The following DOK7 variants were observed in gnomAD, a reference collection of about 807,000 sequenced individuals.
DOK7 encodes protein Dok-7.
In DOK7, 32 loss-of-function variants were observed where a neutral mutation model predicts 30.7. That is an observed-to-expected ratio of 1.04 (90% CI 0.79 to 1.40). The LOEUF is 1.40. DOK7 is among the 40% of genes most tolerant of loss of function. DOK7 has a pLI of 0.00. For missense variants in DOK7, 1,007 were observed against 699.2 expected, an observed-to-expected ratio of 1.44 and a Z score of -4.97; for synonymous variants, 447 against 324.1, an observed-to-expected ratio of 1.38 and a Z score of -4.07.
chr4:3,490,347 T>C (rs1203577024), intron 6 of DOK7, among the ~76,000 whole-genome samples: 3 of 66,850 alleles, frequency 4.5e-5, no homozygotes, highest in South Asian at 6.5e-4. Flanking sequence ...TTCCTTCCTT[T>C]TCCCCACACT....
intron 5 of DOK7, among the ~76,000 whole-genome samples, chr4:3,487,682 G>C (rs531508936): frequency 1.3e-5 from 2 of 152,322 alleles, no homozygotes; most frequent in South Asian, 2.1e-4. Flanking sequence ...GGCTCAGGGG[G>C]CGTGTGGTGG....
intron 4 of DOK7, among the ~76,000 whole-genome samples, chr4:3,477,531 C>T (rs903640005): frequency 2.0e-5 from 3 of 152,254 alleles, no homozygotes; most frequent in South Asian, 2.1e-4. Context: ...CCACCTTCTG[C>T]GCTGGGCGCT....
chr4:3,485,460 G>A (rs899452176), intron 4 of DOK7, 79 bp from the exon 5 acceptor site: 52 of 1,402,766 alleles, frequency 3.7e-5, no homozygotes, highest in Non-Finnish European at 1.7e-5. Flanking sequence ...AGTTTGCTGC[G>A]GTTTCCTGTG....
Position 3,463,350 on chromosome 4 carries a change from G to C in DOK7, c.-26G>C. ...CCTGGGCTGGGGCGCCGGGGCGAGC[G>C]CGGCGGCGCGGAACCATGACAGAAG... On this transcript the variant is annotated 5_prime_UTR_variant, in exon 1 of 7. Coordinates refer to ENST00000340083, the MANE Select transcript of DOK7 (RefSeq NM_173660.5). 1 of 1,451,820 alleles carries C rather than the reference G, an allele frequency of 6.9e-7. No individual in the cohort carries two copies. Among genetic ancestry groups the C allele is most frequent in the East Asian group, 2.7e-5 (1 of 36,890 alleles). 89.9% of individuals were successfully genotyped at this position (1,451,820 alleles called of 1,614,324 possible).
intron 6 of DOK7, among the ~76,000 whole-genome samples, chr4:3,491,318 CCCTGCTCATTCATTCCTTCCTTCTTCG>C (rs1406768221): frequency 3.1e-5 from 4 of 128,942 alleles, no homozygotes; most frequent in African/African-American, 1.1e-4. Context: ...TGCCTTCTCC[CCCTGCTCATTCATTCCTTCCTTCTTCG>C]CCTGCTTGTT....
chr4:3,489,924 C>G, intron 6 of DOK7, 128 bp downstream of exon 6: 2 of 1,403,366 alleles, frequency 1.4e-6, no homozygotes, highest in Non-Finnish European at 1.9e-6. Flanking sequence ...CTTCTGTCTC[C>G]TGCTCATTCA....
Position 3,463,458 on chromosome 4 carries a change from G to GT in DOK7, c.54+29_54+30insT, listed in dbSNP as rs1163523891. ...GGGGCGCGTCGGGGGCGCGGGGGGGGGGGGCGCGGGCGCGGGCGGCGGCTC... is the reference window on the plus strand; with the variant it reads ...GGGGCGCGTCGGGGGCGCGGGGGGGGTGGGGCGCGGGCGCGGGCGGCGGCTC... On this transcript the variant is annotated intron_variant, in intron 1 of 6. Coordinates refer to ENST00000340083, the MANE Select transcript of DOK7 (RefSeq NM_173660.5). The GT allele has an allele frequency of 4.2e-6, 6 of 1,424,572 alleles. No individual in the cohort carries two copies. The highest frequency in any genetic ancestry group is 2.9e-5 in the South Asian group (2 of 69,074). 88.2% of individuals were successfully genotyped at this position (1,424,572 alleles called of 1,614,324 possible).
intron 2 of DOK7, among the ~76,000 whole-genome samples, chr4:3,464,093 G>T (rs1185045652): frequency 6.6e-6 from 1 of 152,204 alleles, no homozygotes; most frequent in Admixed American, 6.5e-5. Flanking sequence ...CCCCAGCTTG[G>T]GGAGGGTCAG....
Position 3,492,936 on chromosome 4 carries a change from C to T in DOK7, c.950C>T (p.Pro317Leu). Residue 317 changes from proline to leucine, a missense_variant, in exon 7 of 7, where the codon CCA becomes CTA. By Grantham distance (98) the Pro-to-Leu change is moderately conservative. Coordinates refer to ENST00000340083, the MANE Select transcript of DOK7 (RefSeq NM_173660.5). ...GAAGCCATGGTGGGTGCCTCAAGGCCACCCCCCAAGCCGCTGCGTCCGCGG... is the reference window on the plus strand; with the variant it reads ...GAAGCCATGGTGGGTGCCTCAAGGCTACCCCCCAAGCCGCTGCGTCCGCGG... ...AGEAMVGASR[P>L]PPKPLRPRQL... The T allele has an allele frequency of 1.3e-6, 2 of 1,557,094 alleles. No individual in the cohort carries two copies. The highest frequency in any genetic ancestry group is 1.2e-5 in the South Asian group (1 of 85,622).
intron 6 of DOK7, 93 bp from the exon 7 acceptor site, chr4:3,492,666 A>C (rs1314962333): frequency 6.4e-7 from 1 of 1,553,046 alleles, no homozygotes; most frequent in African/African-American, 1.4e-5. Flanking sequence ...GAGACCAGAG[A>C]GTGCTGGCCT....
chr4:3,475,287 G>A (rs1726996597), intron 3 of DOK7, among the ~76,000 whole-genome samples: 2 of 152,326 alleles, frequency 1.3e-5, no homozygotes, highest in East Asian at 1.9e-4. Flanking sequence ...CACAGAGGCC[G>A]CTGGGCACCG....
rs550357068 is a variant in DOK7 at position 3,481,747 on chromosome 4, G to A, written c.533-3792G>A. On this transcript the variant is annotated intron_variant, in intron 4 of 6. Coordinates refer to ENST00000340083, the MANE Select transcript of DOK7 (RefSeq NM_173660.5). ...AGCACTTAAGATTCTGACATCAAGG[G>A]GCAGCCACGAGGGCACTCAAGAATA... Among the ~76,000 whole-genome samples, 34 of 152,264 alleles carry A rather than the reference G, an allele frequency of 2.2e-4. No individual in the cohort carries two copies. The South Asian group carries it at 5.6e-3, about 25-fold the overall frequency.
intron 4 of DOK7, among the ~76,000 whole-genome samples, chr4:3,483,079 G>A (rs545091989): frequency 5.7e-4 from 83 of 144,498 alleles, no homozygotes; most frequent in African/African-American, 1.5e-3. Context: ...GAGGGTGGGG[G>A]TGGCAGCCTC....
chr4:3,478,461 C>G (rs575487199), intron 4 of DOK7, among the ~76,000 whole-genome samples: 8 of 91,020 alleles, frequency 8.8e-5, no homozygotes, highest in African/African-American at 4.5e-4. Flanking sequence ...CCGGGGCAAG[C>G]TGTTAGAGCA....
Position 3,473,647 on chromosome 4 carries a change from G to A in DOK7, c.331+11G>A. The A allele has an allele frequency of 6.5e-7, 1 of 1,535,224 alleles. No homozygotes were observed. The highest frequency in any genetic ancestry group is 2.4e-5 in the East Asian group (1 of 40,938). Reference sequence around the variant, plus strand: ...ATGCGCTCGGCGAGGGTGAGTGACGGGGGCCGGGGCCGGGCGGGGGCTCCC... The same window carrying A: ...ATGCGCTCGGCGAGGGTGAGTGACGAGGGCCGGGGCCGGGCGGGGGCTCCC... On this transcript the variant is annotated intron_variant, in intron 3 of 6. Coordinates refer to ENST00000340083, the MANE Select transcript of DOK7 (RefSeq NM_173660.5).
chr4:3,465,430 G>A (rs1726212064), intron 2 of DOK7, among the ~76,000 whole-genome samples: 1 of 152,228 alleles, frequency 6.6e-6, no homozygotes, highest in African/African-American at 2.4e-5. Context: ...CAGCCCTGGA[G>A]GAGCAGACAG....
chr4:3,494,045 T>G lies in DOK7; in HGVS notation c.*544T>G. The G allele has an allele frequency of 1.0e-6, 1 of 987,880 alleles. No homozygotes were observed. The highest frequency in any genetic ancestry group is 1.7e-5 in the African/African-American group (1 of 57,388). 61.2% of individuals were successfully genotyped at this position (987,880 alleles called of 1,614,324 possible). On this transcript the variant is annotated 3_prime_UTR_variant, in exon 7 of 7. Coordinates refer to ENST00000340083, the MANE Select transcript of DOK7 (RefSeq NM_173660.5). ...CTCATCCCCATCTATGGGAGGAAAC[T>G]GAAGCTCAGGAGGCTGTGTGGCTTG...
At position 3,493,708 on chromosome 4, in the gene DOK7, G is replaced by C. The variant is rs1728708561; in HGVS notation, c.*207G>C. On this transcript the variant is annotated 3_prime_UTR_variant, in exon 7 of 7. Transcript: ENST00000340083. ...GGGGAGGTGAGTTCTGGAAGGCAGG[G>C]GCTCTGGGTCCGGCAGGTCGGGGTC... 1 of 1,434,498 alleles carries C rather than the reference G, an allele frequency of 7.0e-7. No homozygotes were observed. The highest frequency in any genetic ancestry group is 1.4e-5 in the African/African-American group (1 of 69,408). 88.9% of individuals were successfully genotyped at this position (1,434,498 alleles called of 1,614,324 possible).
chr4:3,480,413 G>A (rs1056736092), intron 4 of DOK7, among the ~76,000 whole-genome samples: 1 of 152,184 alleles, frequency 6.6e-6, no homozygotes, highest in Admixed American at 6.5e-5. Flanking sequence ...TTCGAGATCA[G>A]CCTGGTCAAC....
Sources: gnomAD v4.1 joint callset for allele counts (sites outside exome capture counted in the v4.1 genomes callset) on GRCh38, gnomAD v4.1.1 for gene constraint, MANE v1.5 for transcripts, NCBI Gene and HGNC (gene_info 2026-07-23, HGNC 2026-07-21) for gene names.